Variants in TRMT9B observed in about 807,000 individuals in gnomAD.
The protein encoded by TRMT9B is tRNA methyltransferase 9B (putative).
TRMT9B carries 16 observed loss-of-function variants against 11.5 expected under a neutral mutation model. The observed-to-expected ratio is 1.39, with a 90% CI of 0.94 to 2.11. The LOEUF (loss-of-function observed/expected upper bound fraction) is 2.11, where lower values mean the gene tolerates loss of function less well. Ranked by LOEUF, TRMT9B falls within the 30% of genes most tolerant of loss-of-function variation. The pLI, the probability that TRMT9B is intolerant of heterozygous loss-of-function variation, is 0.00. For synonymous variants in TRMT9B, 274 were observed against 192.4 expected, an observed-to-expected ratio of 1.42 and a Z score of -3.51; for missense variants, 941 against 553.8, an observed-to-expected ratio of 1.70 and a Z score of -7.02.
chr8:13,001,312 C>T (rs1809401112), intron 2 of TRMT9B, among the ~76,000 whole-genome samples: 1 of 152,098 alleles, frequency 6.6e-6, no homozygotes, highest in African/African-American at 2.4e-5. Flanking sequence ...CAACCTGGGT[C>T]CACTCAGTGA....
chr8:12,951,316 A>C (rs1249707285), intron 1 of TRMT9B: 1 of 152,388 alleles, frequency 6.6e-6, no homozygotes, highest in African/African-American at 2.4e-5. Context: ...TTTCCGCTGA[A>C]GTCCGGGGCT....
intron 3 of TRMT9B, chr8:13,010,720 T>G: frequency 1.0e-6 from 1 of 984,698 alleles, no homozygotes; most frequent in South Asian, 4.7e-5. Flanking sequence ...CCCTTTCATT[T>G]CTCCTAAAGT....
rs754974151 is a variant in TRMT9B, at chr8:13,021,049, A to C, written c.370A>C (p.Ile124Leu). Residue 124 changes from isoleucine (I) to leucine (L), a missense_variant, in exon 5 of 5, where the codon ATA becomes CTA. Transcript: ENST00000524591. ...TACAAAACAAAGAAGAATCAGAGCA[A>C]TAAAAGAAATGGCCAGGGTCTTAGT... The part of the protein sequence containing the change: ...FSTKQRRIRA[I>L]KEMARVLVPG... 1.9e-6 allele frequency: 3 copies of C among 1,579,744 alleles called. No homozygotes were observed. Among genetic ancestry groups the C allele is most frequent in the Admixed American group, 1.9e-5 (1 of 52,264 alleles).
chr8:12,970,535 T>A (rs1372953340), intron 1 of TRMT9B, among the ~76,000 whole-genome samples: 1 of 152,190 alleles, frequency 6.6e-6, no homozygotes, highest in African/African-American at 2.4e-5. Context: ...TTCTGGGCGG[T>A]CCTACAGATT....
At chr8:12,955,085 A>G (rs1310587534) in intron 1 of TRMT9B, among the ~76,000 whole-genome samples, 1 of 152,198 alleles carries the variant, frequency 6.6e-6, no homozygotes, top group African/African-American at 2.4e-5. Context: ...GGCTGCAGAG[A>G]GGTTGCTGCC....
intron 1 of TRMT9B, among the ~76,000 whole-genome samples, chr8:12,951,078 T>C (rs997917989): frequency 1.3e-5 from 2 of 152,138 alleles, no homozygotes. Flanking sequence ...TAGTTAACGC[T>C]ATTGTCATAG....
At chr8:12,980,904 T>A (rs959513236) in intron 1 of TRMT9B, among the ~76,000 whole-genome samples, 1 of 152,168 alleles carries the variant, frequency 6.6e-6, no homozygotes, top group Non-Finnish European at 1.5e-5. Context: ...GAAATATAAA[T>A]CCAGGAAGTC....
intron 1 of TRMT9B, among the ~76,000 whole-genome samples, chr8:12,987,505 A>T (rs1026318615): frequency 1.3e-5 from 2 of 152,104 alleles, no homozygotes; most frequent in Non-Finnish European, 2.9e-5. Flanking sequence ...AGCCTGGGGA[A>T]CGTAGGGAGA....
At chr8:12,998,443 G>A (rs1808761193) in intron 2 of TRMT9B, among the ~76,000 whole-genome samples, 1 of 152,200 alleles carries the variant, frequency 6.6e-6, no homozygotes, top group Non-Finnish European at 1.5e-5. Flanking sequence ...CTAAAACATA[G>A]AGGACTCACT....
At chr8:12,982,180 G>T (rs1429324883) in intron 1 of TRMT9B, among the ~76,000 whole-genome samples, 2 of 152,062 alleles carry the variant, frequency 1.3e-5, no homozygotes, top group African/African-American at 4.8e-5. Context: ...GATTTTTCTG[G>T]ACTGTGCAAT....
rs1804427829 is a variant in TRMT9B at position 12,976,256 on chromosome 8, A to G, written c.-199-14578A>G. 1.3e-5 allele frequency among the ~76,000 whole-genome samples: 2 copies of G among 152,208 alleles called. 1 individual carries two copies. The highest frequency in any genetic ancestry group is 4.1e-4 in the South Asian group (2 of 4,832). On this transcript the variant is annotated intron_variant, in intron 1 of 4. Coordinates refer to ENST00000524591, the MANE Select transcript of TRMT9B (RefSeq NM_020844.3). ...ACTTTCCCAGCTCCGAAGATTTTCC[A>G]CATGCAGCTTAACTGAGCCTTTTAG...
At chr8:12,981,178 C>T (rs111901030) in intron 1 of TRMT9B, among the ~76,000 whole-genome samples, 1 of 151,990 alleles carries the variant, frequency 6.6e-6, no homozygotes, top group Admixed American at 6.6e-5. Context: ...CACGAAGTCA[C>T]TCTGCGGATT....
intron 1 of TRMT9B, among the ~76,000 whole-genome samples, chr8:12,990,270 G>A (rs1807105113): frequency 6.6e-6 from 1 of 152,136 alleles, no homozygotes; most frequent in East Asian, 1.9e-4. Context: ...GGCATCTCTC[G>A]AGATCTCATT....
chr8:13,015,897 G>A (rs944698529), intron 4 of TRMT9B, among the ~76,000 whole-genome samples: 5 of 151,910 alleles, frequency 3.3e-5, no homozygotes, highest in African/African-American at 1.2e-4. Context: ...TTTATGATCT[G>A]TAACTACGAA....
rs1815140714 is a variant in TRMT9B, at chr8:13,029,658, A to G, written c.*7614A>G. 1 of 158,064 alleles carries G rather than the reference A, an allele frequency of 6.3e-6. No homozygotes were observed. Among genetic ancestry groups the G allele is most frequent in the East Asian group, 1.9e-4 (1 of 5,178 alleles). 9.8% of individuals were successfully genotyped at this position (158,064 alleles called of 1,614,324 possible). A position where few individuals can be genotyped will look rare whatever the true frequency, so the allele number is the denominator to read the frequency against. On this transcript the variant is annotated 3_prime_UTR_variant, in exon 5 of 5. Coordinates refer to ENST00000524591, the MANE Select transcript of TRMT9B (RefSeq NM_020844.3). ...TTCGTATTTGAATTCTGTTATATTT[A>G]TCTAAGGGAAGCAAAATTAACCTTT...
chr8:12,950,526 G>C (rs1390660565), intron 1 of TRMT9B, among the ~76,000 whole-genome samples: 2 of 129,180 alleles, frequency 1.5e-5, no homozygotes, highest in Non-Finnish European at 1.8e-5. Context: ...CGTAAAACCA[G>C]ACTCGTGGTT....
chr8:12,991,110 C>T (rs2128878852), intron 2 of TRMT9B, 79 bp downstream of exon 2: 1 of 577,210 alleles, frequency 1.7e-6, no homozygotes, highest in Non-Finnish European at 2.4e-6. Context: ...GAACCTAATT[C>T]TTCCCAATCC....
chr8:13,024,635 T>A lies in TRMT9B; in HGVS notation c.*2591T>A, dbSNP rs560112494. On this transcript the variant is annotated 3_prime_UTR_variant, in exon 5 of 5. Coordinates refer to ENST00000524591, the MANE Select transcript of TRMT9B (RefSeq NM_020844.3). ...AGACTCTTTAGCCTTTGAGCTAAAC[T>A]GTCTGAGCAACCTCTTAGATGTGCA... 1 of 167,212 alleles carries A rather than the reference T, an allele frequency of 6.0e-6. No homozygotes were observed. Among genetic ancestry groups the A allele is most frequent in the Non-Finnish European group, 1.5e-5 (1 of 68,118 alleles). 10.4% of individuals were successfully genotyped at this position (167,212 alleles called of 1,614,324 possible).
intron 2 of TRMT9B, among the ~76,000 whole-genome samples, chr8:13,000,749 G>T (rs756463443): frequency 1.3e-5 from 2 of 152,166 alleles, no homozygotes; most frequent in Non-Finnish European, 2.9e-5. Flanking sequence ...ATCCTTGCAC[G>T]CTAGTTATTT....
Sources: allele counts gnomAD v4.1 joint callset (sites outside exome capture counted in the v4.1 genomes callset), GRCh38; gene constraint gnomAD v4.1.1; transcripts MANE v1.5; gene names NCBI Gene and HGNC (gene_info 2026-07-23, HGNC 2026-07-21).